GC: variants seen among roughly 807,000 people sequenced by gnomAD.
GC encodes the protein GC vitamin D binding protein, also known as vitamin D-binding protein.
In GC, 43 loss-of-function variants were observed where a neutral mutation model predicts 56.7. The observed-to-expected ratio is 0.76, with a 90% CI of 0.59 to 0.98. The LOEUF (loss-of-function observed/expected upper bound fraction) is 0.98. Ranked by LOEUF, GC falls within the 50% of genes least tolerant of loss-of-function variation. GC has a pLI of 0.00. For missense variants in GC, 529 were observed against 545.9 expected, an observed-to-expected ratio of 0.97 and a Z score of 0.31; for synonymous variants, 216 against 202.7, an observed-to-expected ratio of 1.07 and a Z score of -0.56.
chr4:71,784,414 A>G (rs1481305729), upstream of GC: 1 of 609,238 alleles, frequency 1.6e-6, no homozygotes, highest in African/African-American at 2.0e-5. Context: ...TCTTCTTTGG[A>G]CACCCCACCT....
intron 1 of GC, among the ~76,000 whole-genome samples, chr4:71,798,038 G>C (rs896031445): frequency 6.6e-6 from 1 of 152,072 alleles, no homozygotes; most frequent in African/African-American, 2.4e-5. Context: ...TTCAACCTTT[G>C]TTGTCTCTGT....
At chr4:71,744,180 T>C (rs1741275413) in intron 12 of GC, among the ~76,000 whole-genome samples, 1 of 151,232 alleles carries the variant, frequency 6.6e-6, no homozygotes, top group Non-Finnish European at 1.5e-5. Flanking sequence ...CAGTGGCTCA[T>C]GCCTGTAATC....
At chr4:71,760,558 C>T (rs1246824913) in intron 6 of GC, among the ~76,000 whole-genome samples, 1 of 152,082 alleles carries the variant, frequency 6.6e-6, no homozygotes, top group African/African-American at 2.4e-5. Flanking sequence ...AATTAAAATA[C>T]AAGTTAACAG....
intron 1 of GC, among the ~76,000 whole-genome samples, chr4:71,771,908 T>A (rs1319458131): frequency 6.6e-6 from 1 of 152,154 alleles, no homozygotes; most frequent in East Asian, 1.9e-4. Flanking sequence ...TGTCAAGAGT[T>A]GTTTTTAGTT....
At chr4:71,777,271 G>A (rs1271358545) in intron 1 of GC, among the ~76,000 whole-genome samples, 1 of 151,464 alleles carries the variant, frequency 6.6e-6, no homozygotes, top group Non-Finnish European at 1.5e-5. Flanking sequence ...AATTTAAATG[G>A]GAAATTTCAC....
intron 5 of GC, 59 bp downstream of exon 5, chr4:71,763,744 TA>T: frequency 7.1e-7 from 1 of 1,415,552 alleles, no homozygotes; most frequent in Non-Finnish European, 9.7e-7. Flanking sequence ...TACCATTATC[TA>T]AAAGGAATGC....
chr4:71,758,140 T>A lies in GC; in HGVS notation c.733A>T (p.Thr245Ser), dbSNP rs1297728927. The change falls in exon 7 of 13, where the codon ACT (threonine) becomes TCT (serine). Residue 245 changes from threonine (T) to serine (S), a missense_variant. Thr to Ser is a moderately conservative substitution (Grantham distance 58). Coordinates refer to ENST00000273951, the MANE Select transcript of GC (RefSeq NM_000583.4). ...GGCAAAACATCCTCCAGATCAGCAG[T>A]AGGCACTTTTTGGGCTAACTTTATG... ...NLIKLAQKVPTADLEDVLPLA... is the reference protein window; with the variant it reads ...NLIKLAQKVPSADLEDVLPLA... The A allele has an allele frequency of 1.2e-6, 2 of 1,613,096 alleles. No individual in the cohort carries two copies. The highest frequency in any genetic ancestry group is 4.5e-5 in the East Asian group (2 of 44,872).
At chr4:71,772,096 A>T (rs1742362396) in intron 1 of GC, among the ~76,000 whole-genome samples, 2 of 152,260 alleles carry the variant, frequency 1.3e-5, no homozygotes, top group Admixed American at 1.3e-4. Context: ...ATATATTGTA[A>T]AGATCCCTGA....
At chr4:71,804,063 C>T, upstream of GC, 2 of 731,138 alleles carry the variant, frequency 2.7e-6, no homozygotes, top group Admixed American at 2.0e-5. Context: ...CAACGTTGGT[C>T]TTAGACAAAG....
chr4:71,804,772 T>C (rs1743326344), upstream of GC, among the ~76,000 whole-genome samples: 4 of 152,202 alleles, frequency 2.6e-5, no homozygotes, highest in South Asian at 4.2e-4. Flanking sequence ...GGCCAAGAGC[T>C]ACCCTTCTAA....
chr4:71,799,798 TAGGG>T (rs1366213600), intron 1 of GC, among the ~76,000 whole-genome samples: 1 of 152,140 alleles, frequency 6.6e-6, no homozygotes, highest in Non-Finnish European at 1.5e-5. Context: ...GAAAGGCAAC[TAGGG>T]AGGGAGGTTG....
intron 11 of GC, among the ~76,000 whole-genome samples, chr4:71,748,932 A>T (rs1741461803): frequency 6.6e-6 from 1 of 152,150 alleles, no homozygotes; most frequent in South Asian, 2.1e-4. Flanking sequence ...TTTTTCAAGC[A>T]AATGTATGAC....
At chr4:71,752,705 T>G in intron 10 of GC, 55 bp from the exon 11 acceptor site, 2 of 1,444,466 alleles carry the variant, frequency 1.4e-6, no homozygotes. Flanking sequence ...TTATACAAAT[T>G]TCTAATGCAA....
At position 71,768,289 on chromosome 4, in the gene GC, AC is replaced by A; in HGVS notation, c.261+11del. ...TGGGCTGCCACAGAGACGGCCAGCC[AC>A]AGAAACCTACCCTGGTGTCATAGCA... is the stretch of plus-strand genomic sequence containing the variant. On this transcript the variant is annotated intron_variant, in intron 3 of 12. Coordinates refer to ENST00000273951, the MANE Select transcript of GC (RefSeq NM_000583.4). The A allele has an allele frequency of 6.3e-7, 1 of 1,579,536 alleles. No homozygotes were observed. The highest frequency in any genetic ancestry group is 8.6e-7 in the Non-Finnish European group (1 of 1,160,324).
intron 1 of GC, among the ~76,000 whole-genome samples, chr4:71,772,120 T>C (rs1329684808): frequency 6.6e-6 from 1 of 152,164 alleles, no homozygotes; most frequent in African/African-American, 2.4e-5. Flanking sequence ...TAGTACAATG[T>C]ATCCTCATCA....
chr4:71,745,270 A>G (rs1013180029), intron 12 of GC, among the ~76,000 whole-genome samples: 8 of 152,242 alleles, frequency 5.3e-5, no homozygotes, highest in Admixed American at 4.6e-4. Context: ...GATTTCAAAT[A>G]TAAGTTTTCT....
Position 71,763,897 on chromosome 4 carries a change from AG to A in GC, c.512del (p.Pro171LeufsTer5). On this transcript the variant is annotated frameshift_variant, in exon 5 of 13. Transcript: ENST00000273951. LOFTEE classifies it high-confidence loss of function. ...TGGTGTAACTGACTAAAAGTGACAG[AG>A]GAGCTTGTCCGTAATTAGTGGAATA... is the stretch of plus-strand genomic sequence containing the variant. The part of the protein sequence containing the change: ...WEYSTNYGQA[P>X]LSLLVSYTKS... 6.2e-7 allele frequency: 1 copy of A among 1,611,068 alleles called. No homozygotes were observed. Among genetic ancestry groups the A allele is most frequent in the South Asian group, 1.1e-5 (1 of 91,040 alleles).
chr4:71,749,827 G>A (rs1453447515), intron 11 of GC, among the ~76,000 whole-genome samples: 1 of 152,040 alleles, frequency 6.6e-6, no homozygotes. Flanking sequence ...TTAAAGAAAA[G>A]GCTTTTATTC....
intron 12 of GC, 137 bp downstream of exon 12, chr4:71,746,014 G>A: frequency 3.7e-6 from 2 of 543,264 alleles, no homozygotes; most frequent in Non-Finnish European, 3.3e-6. Context: ...TTTTCTCGGT[G>A]CTTAATATTC....
Sources: allele counts gnomAD v4.1 joint callset (sites outside exome capture counted in the v4.1 genomes callset), GRCh38; gene constraint gnomAD v4.1.1; transcripts MANE v1.5; gene names NCBI Gene and HGNC (gene_info 2026-07-23, HGNC 2026-07-21).